Variants in WDR35 observed in about 807,000 individuals in gnomAD.
WDR35 encodes WD repeat-containing protein 35.
In WDR35, 118 loss-of-function variants were observed where a neutral mutation model predicts 158.3. The observed-to-expected ratio is 0.75, with a 90% CI of 0.64 to 0.87. The LOEUF (loss-of-function observed/expected upper bound fraction) is 0.87, where lower values mean the gene tolerates loss of function less well. WDR35 is among the 40% of genes least tolerant of loss of function. The pLI is 0.00. For synonymous variants in WDR35, 448 were observed against 476.1 expected, an observed-to-expected ratio of 0.94 and a Z score of 0.77; for missense variants, 1,263 against 1,405.8, an observed-to-expected ratio of 0.90 and a Z score of 1.62.
chr2:19,971,830 C>T (rs1309305034), intron 8 of WDR35, among the ~76,000 whole-genome samples: 1 of 152,210 alleles, frequency 6.6e-6, no homozygotes, highest in Non-Finnish European at 1.5e-5. Context: ...AAGAAAACCA[C>T]CTTTTAGTAA....
intron 2 of WDR35, among the ~76,000 whole-genome samples, chr2:19,988,388 T>C (rs12151745): frequency 0.054 from 8,279 of 152,278 alleles, 224 homozygotes; most frequent in Non-Finnish European, 0.073. Context: ...CCGGGTCTAT[T>C]GTGTGGGGGT....
intron 9 of WDR35, 28 bp downstream of exon 9, chr2:19,969,448 CTGTT>C: frequency 6.3e-7 from 1 of 1,592,912 alleles, no homozygotes; most frequent in Non-Finnish European, 8.6e-7. Flanking sequence ...GTAAGAAACA[CTGTT>C]TATTTTACAA....
intron 25 of WDR35, among the ~76,000 whole-genome samples, chr2:19,919,969 T>C (rs1057348687): frequency 1.3e-5 from 2 of 152,004 alleles, no homozygotes; most frequent in African/African-American, 2.4e-5. Context: ...GCAAATAAAC[T>C]AGAAAATCTA....
At chr2:19,975,717 C>T in intron 5 of WDR35, 54 bp from the exon 6 acceptor site, 1 of 1,610,116 alleles carries the variant, frequency 6.2e-7, no homozygotes, top group East Asian at 2.2e-5. Context: ...CCAACAACGG[C>T]TTTCGAAATC....
intron 25 of WDR35, among the ~76,000 whole-genome samples, chr2:19,914,501 A>C (rs1362876956): frequency 6.6e-6 from 1 of 152,178 alleles, no homozygotes; most frequent in Admixed American, 6.5e-5. Flanking sequence ...AACCACCACC[A>C]AATGCTGCAC....
chr2:19,920,978 C>T (rs1670148811), intron 25 of WDR35, among the ~76,000 whole-genome samples: 1 of 152,182 alleles, frequency 6.6e-6, no homozygotes, highest in Non-Finnish European at 1.5e-5. Context: ...CTCCCATTCA[C>T]AATGGCTACA....
intron 5 of WDR35, among the ~76,000 whole-genome samples, 170 bp downstream of exon 5, chr2:19,978,581 T>TA (rs1672283603): frequency 6.6e-6 from 1 of 152,224 alleles, no homozygotes; most frequent in African/African-American, 2.4e-5. Flanking sequence ...AACAGATGGT[T>TA]AAAATCAAAG....
intron 11 of WDR35, 97 bp from the exon 12 acceptor site, chr2:19,954,075 T>C (rs1166275290): frequency 1.4e-6 from 2 of 1,394,466 alleles, no homozygotes; most frequent in African/African-American, 2.8e-5. Context: ...CAACCCCTCA[T>C]TTTATAGACA....
At chr2:19,918,733 C>T (rs763656814) in intron 25 of WDR35, among the ~76,000 whole-genome samples, 30 of 152,050 alleles carry the variant, frequency 2.0e-4, no homozygotes, top group Non-Finnish European at 1.9e-4. Flanking sequence ...ACAGGAACAC[C>T]CAAATTCATA....
At chr2:19,926,771 A>G (rs1206033637) in intron 25 of WDR35, among the ~76,000 whole-genome samples, 2 of 152,240 alleles carry the variant, frequency 1.3e-5, no homozygotes, top group Non-Finnish European at 2.9e-5. Context: ...TAGGTAAAAT[A>G]ATAACTTGGG....
intron 19 of WDR35, among the ~76,000 whole-genome samples, chr2:19,936,827 G>A (rs1269768845): frequency 6.6e-6 from 1 of 152,168 alleles, no homozygotes; most frequent in Non-Finnish European, 1.5e-5. Context: ...CTCCAGAACT[G>A]TGAGAAAAAT....
chr2:19,947,644 T>C (rs1229982119), intron 14 of WDR35, among the ~76,000 whole-genome samples: 1 of 152,316 alleles, frequency 6.6e-6, no homozygotes, highest in East Asian at 1.9e-4. Flanking sequence ...CTAAGTCTTA[T>C]GAAAGTGGCT....
rs758495625 is a variant in WDR35 at position 19,951,495 on chromosome 2, G to C, written c.1401-11C>G. ...TCAACATGATAAATTCTGCAAAAAA[G>C]ATCAGAATTTCAAAGAAAGTTTAAG... On this transcript the variant is annotated splice_polypyrimidine_tract_variant and intron_variant, in intron 12 of 26. Coordinates refer to ENST00000281405, the MANE Select transcript of WDR35 (RefSeq NM_020779.4). The C allele has an allele frequency of 3.8e-5, 61 of 1,604,312 alleles. No homozygotes were observed. The Middle Eastern group carries it at 4.9e-4, about 13-fold the overall frequency.
chr2:19,930,672 AT>A, intron 24 of WDR35, 120 bp from the exon 25 acceptor site: 1 of 1,442,656 alleles, frequency 6.9e-7, no homozygotes. Context: ...CAAAACTATG[AT>A]TACAGACTTT....
rs200227940 is a variant in WDR35, at chr2:19,966,731, T to G, written c.1187A>C (p.His396Pro). The G allele has an allele frequency of 2.5e-6, 4 of 1,613,820 alleles. No individual in the cohort carries two copies. The African/African-American group carries it at 5.3e-5, about 21-fold the overall frequency. ...CILATKADEN[H>P]PQFVLVLCNS... is the part of the protein sequence containing the mutation. ...ATATCAAGAAACACCTACCTGAGGA[T>G]GATTTTCATCAGCTTTTGTAGCCAA... is the stretch of plus-strand genomic sequence containing the variant. The change falls in exon 10 of 27, where the codon CAT (histidine) becomes CCT (proline). Residue 396 changes from histidine (H) to proline (P), a missense_variant. Physicochemically the swap from His to Pro is moderately conservative, Grantham distance 77 (BLOSUM62 -2). Coordinates refer to ENST00000281405, the MANE Select transcript of WDR35 (RefSeq NM_020779.4).
intron 17 of WDR35, among the ~76,000 whole-genome samples, chr2:19,939,425 T>A (rs1272486781): frequency 6.6e-6 from 1 of 152,174 alleles, no homozygotes. Flanking sequence ...ACCTGGTTTT[T>A]CATAATTTTT....
intron 2 of WDR35, among the ~76,000 whole-genome samples, chr2:19,988,862 ATTTC>A (rs1169120110): frequency 6.6e-6 from 1 of 152,204 alleles, no homozygotes; most frequent in African/African-American, 2.4e-5. Flanking sequence ...GACTCACAGG[ATTTC>A]TTTTAGACTC....
chr2:19,930,498 G>C lies in WDR35; in HGVS notation c.3019C>G (p.Arg1007Gly), dbSNP rs56395266. Residue 1007 changes from arginine to glycine, a missense_variant, in exon 25 of 27, where the codon CGT becomes GGT. Physicochemically the swap from Arg to Gly is moderately radical, Grantham distance 125. Coordinates refer to ENST00000281405, the MANE Select transcript of WDR35 (RefSeq NM_020779.4). The part of the protein sequence containing the change: ...LEEEVLSTTD[R>G]FTDNAWRGAE... ...CCTCTCCATGCATTATCTGTGAAACGATCTGTTGTAGACAGAACTTCTTCT... is the reference window on the plus strand; with the variant it reads ...CCTCTCCATGCATTATCTGTGAAACCATCTGTTGTAGACAGAACTTCTTCT... The C allele has an allele frequency of 1.9e-6, 3 of 1,614,066 alleles. No individual in the cohort carries two copies. Among genetic ancestry groups the C allele is most frequent in the Middle Eastern group, 1.6e-4 (1 of 6,062 alleles).
intron 25 of WDR35, among the ~76,000 whole-genome samples, chr2:19,924,621 C>T (rs1212777846): frequency 6.6e-6 from 1 of 152,166 alleles, no homozygotes; most frequent in Non-Finnish European, 1.5e-5. Flanking sequence ...CAGTTATTAG[C>T]TTTTGACAAT....
Sources: allele counts gnomAD v4.1 joint callset (sites outside exome capture counted in the v4.1 genomes callset), GRCh38; gene constraint gnomAD v4.1.1; transcripts MANE v1.5; gene names NCBI Gene and HGNC (gene_info 2026-07-23, HGNC 2026-07-21).